PTPN13: variants seen among roughly 807,000 people sequenced by gnomAD.
PTPN13 encodes protein tyrosine phosphatase non-receptor type 13, also known as tyrosine-protein phosphatase non-receptor type 13.
A neutral mutation model predicts 284.0 loss-of-function variants in PTPN13; 191 were observed. The ratio of observed to expected loss-of-function variants is 0.67; its 90% CI spans 0.60 to 0.76. The LOEUF is 0.76. PTPN13 is among the 30% of genes least tolerant of loss of function. The pLI is 0.00. For missense variants in PTPN13, 2,797 were observed against 2,939.9 expected (o/e 0.95, Z 1.12); for synonymous variants, 986 against 1,022.3 (o/e 0.96, Z 0.68).
Position 86,807,751 on chromosome 4 carries a change from G to C in PTPN13, c.6937G>C (p.Glu2313Gln), listed in dbSNP as rs1489774757. 1.9e-6 allele frequency: 3 copies of C among 1,614,026 alleles called. No homozygotes were observed. In the African/African-American group the frequency reaches 4.0e-5, roughly 22 times the overall value. Residue 2313 changes from glutamate (E) to glutamine (Q), a missense_variant, in exon 45 of 48, where the codon GAA becomes CAA. Glu to Gln is a conservative substitution (Grantham distance 29). Transcript: ENST00000411767. ...TVIAMMTQEV[E>Q]GEKIKCQRYW... ...GATAGCCATGATGACTCAAGAAGTA[G>C]AAGGAGAAAAAATCAAATGCCAGCG...
At chr4:86,634,684 T>C (rs1382425684) in intron 1 of PTPN13, among the ~76,000 whole-genome samples, 2 of 152,154 alleles carry the variant, frequency 1.3e-5, no homozygotes. Context: ...GGGAAAATGG[T>C]GAGTTGCCAA....
intron 3 of PTPN13, among the ~76,000 whole-genome samples, chr4:86,678,657 T>G (rs921029656): frequency 3.3e-5 from 5 of 152,190 alleles, no homozygotes; most frequent in Non-Finnish European, 5.9e-5. Flanking sequence ...TCCCTTCCAT[T>G]GTGTTTCCTG....
Position 86,814,567 on chromosome 4 carries a change from T to C in PTPN13, c.*16T>C. The C allele has an allele frequency of 3.8e-6, 6 of 1,582,988 alleles. No individual in the cohort carries two copies. Among genetic ancestry groups the C allele is most frequent in the African/African-American group, 1.3e-5 (1 of 74,198 alleles). On this transcript the variant is annotated 3_prime_UTR_variant, in exon 48 of 48. Coordinates refer to ENST00000411767, the MANE Select transcript of PTPN13 (RefSeq NM_080683.3). ...TCTGAAGTGACATGAAAAGAGCCTC[T>C]GGATGCATTTCCATTTCTCTCCTTA...
intron 9 of PTPN13, among the ~76,000 whole-genome samples, chr4:86,721,719 C>T (rs1288580066): frequency 1.1e-5 from 1 of 89,140 alleles, no homozygotes; most frequent in Non-Finnish European, 2.5e-5. Flanking sequence ...CTCTCCCTCC[C>T]CCTCCCCTTC....
intron 1 of PTPN13, among the ~76,000 whole-genome samples, chr4:86,600,726 C>G (rs1208208500): frequency 6.6e-6 from 1 of 151,874 alleles, no homozygotes; most frequent in Non-Finnish European, 1.5e-5. Context: ...ATTTTAAAAA[C>G]TTCTTTTAGC....
At chr4:86,624,053 T>C (rs1284223096) in intron 1 of PTPN13, among the ~76,000 whole-genome samples, 2 of 152,202 alleles carry the variant, frequency 1.3e-5, no homozygotes, top group Admixed American at 1.3e-4. Flanking sequence ...AATAAAAACC[T>C]AGCACCTATC....
At position 86,605,070 on chromosome 4, in the gene PTPN13, A is replaced by T. The variant is rs180922203; in HGVS notation, c.-6+10281A>T. On this transcript the variant is annotated intron_variant, in intron 1 of 47. Coordinates refer to ENST00000411767, the MANE Select transcript of PTPN13 (RefSeq NM_080683.3). ...ATGGAGTAAAACAAAAGATAAGAGT[A>T]AGTGAATTCATGAGGGAAGTGTTTA... Among the ~76,000 whole-genome samples the T allele has an allele frequency of 1.2e-4, 18 of 152,086 alleles. No homozygotes were observed. In the East Asian group the frequency reaches 3.5e-3, roughly 29 times the overall value.
rs867217357 is a variant in PTPN13, at chr4:86,799,159, G to T, written c.6460G>T (p.Asp2154Tyr). The T allele has an allele frequency of 6.3e-7, 1 of 1,594,440 alleles. No individual in the cohort carries two copies. The change falls in exon 42 of 48, where the codon GAT (aspartate) becomes TAT (tyrosine). Residue 2154 changes from aspartate to tyrosine, a missense_variant. Coordinates refer to ENST00000411767, the MANE Select transcript of PTPN13 (RefSeq NM_080683.3). ...TGATGATGAAATAACATGGGGAAAT[G>T]ATGAGTTGCCAATAGAGAGAACAAA... ...TDDDEITWGN[D>Y]ELPIERTNHE...
chr4:86,784,407 C>T (rs1453870551), intron 37 of PTPN13, 58 bp from the exon 38 acceptor site: 5 of 1,178,748 alleles, frequency 4.2e-6, no homozygotes, highest in Non-Finnish European at 6.1e-6. Flanking sequence ...GTGCAGTCCC[C>T]CGATCCTGGA....
intron 37 of PTPN13, among the ~76,000 whole-genome samples, chr4:86,783,389 ACAC>A (rs1741549355): frequency 2.6e-5 from 4 of 152,140 alleles, no homozygotes; most frequent in African/African-American, 9.6e-5. Flanking sequence ...AGTAATATTC[ACAC>A]TGTATAGTGC....
At chr4:86,792,109 A>C (rs1742747927) in intron 40 of PTPN13, among the ~76,000 whole-genome samples, 1 of 152,164 alleles carries the variant, frequency 6.6e-6, no homozygotes, top group South Asian at 2.1e-4. Flanking sequence ...AAAAACCTTG[A>C]AAAAAAGGTT....
intron 7 of PTPN13, among the ~76,000 whole-genome samples, chr4:86,714,966 C>A (rs889806227): frequency 1.3e-5 from 2 of 151,836 alleles, no homozygotes; most frequent in East Asian, 1.9e-4. Flanking sequence ...TTTATGTGGT[C>A]ATAGAAGCTT....
At chr4:86,766,009 G>C (rs1331304151) in intron 26 of PTPN13, among the ~76,000 whole-genome samples, 1 of 152,042 alleles carries the variant, frequency 6.6e-6, no homozygotes, top group Non-Finnish European at 1.5e-5. Context: ...TGTATTTTTA[G>C]TAGAGACAGG....
At position 86,788,664 on chromosome 4, in the gene PTPN13, A is replaced by G. The variant is rs60354679; in HGVS notation, c.6345+2728A>G. 7.4e-3 allele frequency among the ~76,000 whole-genome samples: 1,125 copies of G among 152,298 alleles called. 14 individuals are homozygous for G. The highest frequency in any genetic ancestry group is 0.025 in the African/African-American group (1,034 of 41,562). On this transcript the variant is annotated intron_variant, in intron 40 of 47. Coordinates refer to ENST00000411767, the MANE Select transcript of PTPN13 (RefSeq NM_080683.3). ...TTTAAGAATGAAAGAATGAATGCTA[A>G]TCGTATACATTACTATAAATTATTG...
intron 2 of PTPN13, among the ~76,000 whole-genome samples, chr4:86,637,098 C>A (rs553068147): frequency 2.6e-4 from 40 of 152,202 alleles, no homozygotes; most frequent in Admixed American, 2.2e-3. Context: ...ATAAATTCCT[C>A]GACACATACA....
chr4:86,596,705 C>A (rs1763840933), intron 1 of PTPN13, among the ~76,000 whole-genome samples: 1 of 152,050 alleles, frequency 6.6e-6, no homozygotes, highest in Admixed American at 6.5e-5. Flanking sequence ...GTAGCTTCTC[C>A]CGTATCAATG....
intron 1 of PTPN13, among the ~76,000 whole-genome samples, chr4:86,619,421 C>T (rs1417163996): frequency 6.6e-6 from 1 of 152,110 alleles, no homozygotes; most frequent in Non-Finnish European, 1.5e-5. Flanking sequence ...TTACCAATTT[C>T]CATTTTGAAA....
At chr4:86,795,005 A>G (rs1743159564) in intron 40 of PTPN13, among the ~76,000 whole-genome samples, 1 of 152,244 alleles carries the variant, frequency 6.6e-6, no homozygotes, top group African/African-American at 2.4e-5. Flanking sequence ...CTTCATGACT[A>G]AAACAACAAA....
At chr4:86,595,742 C>T (rs1414799264) in intron 1 of PTPN13, 1 of 985,698 alleles carries the variant, frequency 1.0e-6, no homozygotes, top group South Asian at 4.7e-5. Context: ...AAGGCAGGAC[C>T]TGAACAAAAT....
Sources: allele counts gnomAD v4.1 joint callset (sites outside exome capture counted in the v4.1 genomes callset), GRCh38; gene constraint gnomAD v4.1.1; transcripts MANE v1.5; gene names NCBI Gene and HGNC (gene_info 2026-07-23, HGNC 2026-07-21).